HVCN1: variants seen among roughly 807,000 people sequenced by gnomAD.
HVCN1 encodes the protein voltage-gated hydrogen channel 1.
A neutral mutation model predicts 29.2 loss-of-function variants in HVCN1; 14 were observed. The observed-to-expected ratio is 0.48, with a 90% CI of 0.32 to 0.75. HVCN1 has a LOEUF of 0.75. Among genes scored for constraint, HVCN1 ranks in the 30% least tolerant of loss-of-function variants. HVCN1 has a pLI of 0.04. For missense variants in HVCN1, 263 were observed against 341.8 expected, an observed-to-expected ratio of 0.77 and a Z score of 1.82; for synonymous variants, 131 against 133.2, an observed-to-expected ratio of 0.98 and a Z score of 0.11.
upstream of HVCN1, among the ~76,000 whole-genome samples, chr12:110,692,591 G>C (rs914038597): frequency 7.2e-5 from 11 of 152,040 alleles, no homozygotes; most frequent in African/African-American, 2.4e-5. Flanking sequence ...GGGCATGGTG[G>C]TGTGCCCCTG....
intron 3 of HVCN1, among the ~76,000 whole-genome samples, chr12:110,665,772 C>T (rs1216596265): frequency 3.3e-5 from 5 of 151,522 alleles, no homozygotes; most frequent in South Asian, 2.1e-4. Context: ...TTTGGGAGGT[C>T]GAGGTGGGCA....
intron 5 of HVCN1, among the ~76,000 whole-genome samples, chr12:110,652,010 C>CTGAA (rs549925036): frequency 2.6e-5 from 4 of 152,328 alleles, no homozygotes; most frequent in South Asian, 2.1e-4. Context: ...TCTAAAATAA[C>CTGAA]TGAATGAATG....
upstream of HVCN1, among the ~76,000 whole-genome samples, chr12:110,692,826 A>T (rs1342836089): frequency 6.6e-6 from 1 of 152,166 alleles, no homozygotes; most frequent in Non-Finnish European, 1.5e-5. Context: ...TGGGAAAAAA[A>T]TTCTTTATTT....
chr12:110,683,304 G>A, intron 2 of HVCN1, 40 bp from the exon 3 acceptor site: 1 of 1,574,724 alleles, frequency 6.4e-7, no homozygotes, highest in Admixed American at 1.9e-5. Flanking sequence ...CTATCATCTT[G>A]CTGCCATCTG....
chr12:110,690,540 G>A (rs1312084355), upstream of HVCN1, among the ~76,000 whole-genome samples: 1 of 152,028 alleles, frequency 6.6e-6, no homozygotes, highest in Admixed American at 6.6e-5. Flanking sequence ...GCAGTGGTGC[G>A]ATCTTGGCTT....
At chr12:110,667,249 C>T (rs2068401363) in intron 3 of HVCN1, among the ~76,000 whole-genome samples, 1 of 152,190 alleles carries the variant, frequency 6.6e-6, no homozygotes, top group Non-Finnish European at 1.5e-5. Flanking sequence ...ATTCTCCTGC[C>T]TCAGCCTCCC....
intron 5 of HVCN1, among the ~76,000 whole-genome samples, chr12:110,652,643 T>A (rs1315435167): frequency 6.6e-6 from 1 of 152,142 alleles, no homozygotes; most frequent in Non-Finnish European, 1.5e-5. Context: ...AAATTCACAG[T>A]GCGGCACATA....
chr12:110,666,339 C>T (rs560004719), intron 3 of HVCN1, among the ~76,000 whole-genome samples: 37 of 152,180 alleles, frequency 2.4e-4, no homozygotes, highest in African/African-American at 7.9e-4. Context: ...AGGAGAATGG[C>T]GTGAACCCAG....
chr12:110,650,239 A>G lies in HVCN1; in HGVS notation c.685T>C (p.Leu229=). 1 of 1,613,492 alleles carries G rather than the reference A, an allele frequency of 6.2e-7. No homozygotes were observed. The highest frequency in any genetic ancestry group is 1.1e-5 in the South Asian group (1 of 91,068). The change falls in exon 7 of 8, where the codon TTA becomes CTA. Residue 229 remains leucine (L), a synonymous_variant. Coordinates refer to ENST00000242607, the MANE Select transcript of HVCN1 (RefSeq NM_032369.4). ...TGTACATTCATCTGTTTTAACCTTAAGAGTTGCCGTTCTGAACGTGTCTTA... is the reference window on the plus strand; with the variant it reads ...TGTACATTCATCTGTTTTAACCTTAGGAGTTGCCGTTCTGAACGTGTCTTA... ...SVKTRSERQL[L]RLKQMNVQLA...
At chr12:110,675,310 T>C (rs1329334629) in intron 3 of HVCN1, among the ~76,000 whole-genome samples, 1 of 151,970 alleles carries the variant, frequency 6.6e-6, no homozygotes, top group Non-Finnish European at 1.5e-5. Context: ...AATACAAAAA[T>C]TAGCCAGGCG....
intron 3 of HVCN1, among the ~76,000 whole-genome samples, chr12:110,663,677 T>C (rs1204925303): frequency 6.6e-6 from 1 of 151,508 alleles, no homozygotes. Flanking sequence ...TCTCTGTTCA[T>C]GTAATGGGAC....
At chr12:110,675,754 A>C (rs1331567363) in intron 3 of HVCN1, among the ~76,000 whole-genome samples, 1 of 151,410 alleles carries the variant, frequency 6.6e-6, no homozygotes, top group Non-Finnish European at 1.5e-5. Flanking sequence ...AAAAATACAA[A>C]AATTAGCTGG....
rs1165568907 is a variant in HVCN1 at position 110,658,900 on chromosome 12, C to T, written c.306+2264G>A. Among the ~76,000 whole-genome samples the T allele has an allele frequency of 6.6e-6, 1 of 152,258 alleles. No individual in the cohort carries two copies. The highest frequency in any genetic ancestry group is 1.5e-5 in the Non-Finnish European group (1 of 68,048). ...TCGTCTTTTTCCCCAGCAGGAGTAT[C>T]TGGGTGTCCCAGCTCAGGGGCCAGT... is the stretch of plus-strand genomic sequence containing the variant. On this transcript the variant is annotated intron_variant, in intron 4 of 7. Transcript: ENST00000242607. This position sits in a 1 kb window ranked among gnomAD's most constrained non-coding sequence, Gnocchi z 5.0.
chr12:110,694,768 G>A (rs1275912676), upstream of HVCN1, among the ~76,000 whole-genome samples: 1 of 152,170 alleles, frequency 6.6e-6, no homozygotes, highest in Non-Finnish European at 1.5e-5. The surrounding 1 kb of genome is among the most constrained non-coding windows in gnomAD (Gnocchi z 4.6). Flanking sequence ...ACAAGGCCTG[G>A]GCACCGATGC....
chr12:110,661,275 C>T lies in HVCN1; in HGVS notation c.195G>A (p.Glu65=), dbSNP rs1194638089. The change falls in exon 4 of 8, where the codon GAG becomes GAA. Residue 65 remains glutamate (E), a synonymous_variant. Coordinates refer to ENST00000242607, the MANE Select transcript of HVCN1 (RefSeq NM_032369.4). This position sits in a 1 kb window ranked among gnomAD's most constrained non-coding sequence, Gnocchi z 6.2. The stretch of plus-strand genomic sequence containing the variant: ...CGTCAGGGGCTGCAGCTCTGCCTTC[C>T]TCGCCTGAGACTGGTGTGGGTGGTG... ...EQPPPTPVSG[E]EGRAAAPDVA... 6.2e-7 allele frequency: 1 copy of T among 1,614,222 alleles called. No individual in the cohort carries two copies. Among genetic ancestry groups the T allele is most frequent in the Admixed American group, 1.7e-5 (1 of 60,026 alleles).
At chr12:110,663,218 T>C (rs2068234692) in intron 3 of HVCN1, among the ~76,000 whole-genome samples, 1 of 152,122 alleles carries the variant, frequency 6.6e-6, no homozygotes, top group Non-Finnish European at 1.5e-5. Context: ...TTCTGAATGA[T>C]TTAGTGATTC....
chr12:110,697,809 G>A (rs2069516701), intron 2 of HVCN1, among the ~76,000 whole-genome samples: 1 of 151,930 alleles, frequency 6.6e-6, no homozygotes, highest in African/African-American at 2.4e-5. Context: ...ACACCACCAC[G>A]CCTGGCTAAT....
chr12:110,652,267 C>T (rs2067838849), intron 5 of HVCN1, among the ~76,000 whole-genome samples: 1 of 152,202 alleles, frequency 6.6e-6, no homozygotes, highest in Non-Finnish European at 1.5e-5. Flanking sequence ...GTGGTGCATG[C>T]CTGTAGTCCC....
chr12:110,653,553 A>C (rs763791296), intron 5 of HVCN1, among the ~76,000 whole-genome samples: 18 of 151,768 alleles, frequency 1.2e-4, no homozygotes, highest in African/African-American at 1.7e-4. Flanking sequence ...CATTAAAGAC[A>C]TTCTTGGGCT....
Sources: gnomAD v4.1 joint callset for allele counts (sites outside exome capture counted in the v4.1 genomes callset) on GRCh38, gnomAD v4.1.1 for gene constraint, Gnocchi (gnomAD v3.1) non-coding constraint, MANE v1.5 for transcripts, NCBI Gene and HGNC (gene_info 2026-07-23, HGNC 2026-07-21) for gene names.